Variants in ARID5B observed in about 807,000 individuals in gnomAD.
ARID5B encodes the protein AT-rich interaction domain 5B.
Under a neutral mutation model 97.2 loss-of-function variants are expected in ARID5B, and 13 were observed. The observed-to-expected ratio is 0.13, with a 90% confidence interval of 0.09 to 0.21. The LOEUF is 0.21. ARID5B is among the 10% of genes least tolerant of loss of function. The probability of loss-of-function intolerance (pLI) is 1.00; values close to 1 mark genes in which losing one functional copy is unlikely to be tolerated. For synonymous variants in ARID5B, 556 were observed against 570.3 expected (o/e 0.97, Z 0.36); for missense variants, 1,210 against 1,465.3 (o/e 0.83, Z 2.84).
At chr10:62,009,818 TAA>T (rs1481332123) in intron 4 of ARID5B, among the ~76,000 whole-genome samples, 1 of 152,106 alleles carries the variant, frequency 6.6e-6, no homozygotes, top group East Asian at 1.9e-4. Flanking sequence ...AAAAGATCCA[TAA>T]AAGAGAGCCC....
intron 2 of ARID5B, among the ~76,000 whole-genome samples, chr10:61,924,219 G>A (rs1383830586): frequency 2.6e-5 from 4 of 152,246 alleles, no homozygotes; most frequent in African/African-American, 9.6e-5. Context: ...GGAGGCAAAA[G>A]AGTTGGACTC....
intron 4 of ARID5B, among the ~76,000 whole-genome samples, chr10:62,018,599 A>C (rs1016461014): frequency 1.4e-5 from 2 of 147,766 alleles, no homozygotes; most frequent in East Asian, 2.0e-4. Flanking sequence ...TTTTTTTCAA[A>C]CCTGCCCCTC....
At chr10:61,934,175 A>G (rs1844259049) in intron 2 of ARID5B, among the ~76,000 whole-genome samples, 1 of 152,048 alleles carries the variant, frequency 6.6e-6, no homozygotes, top group South Asian at 2.1e-4. Flanking sequence ...CTTCCTCACC[A>G]CTTTTAGCTT....
At position 62,092,305 on chromosome 10, in the gene ARID5B, C is replaced by G; in HGVS notation, c.2842C>G (p.Arg948Gly). The change falls in exon 10 of 10, where the codon CGA (arginine) becomes GGA (glycine). Residue 948 changes from arginine to glycine, a missense_variant. This residue lies in a region of ARID5B where 800 missense variants were observed against 839.1 expected (regional missense o/e 0.95). Coordinates refer to ENST00000279873, the MANE Select transcript of ARID5B (RefSeq NM_032199.3). ...GTTCCAGGTCTTAGGCAGCCAGAGT[C>G]GAGACTGTCACCCCAAAGCCTGTCG... is the stretch of plus-strand genomic sequence containing the variant. ...SQFQVLGSQS[R>G]DCHPKACRVS... 1 of 1,609,292 alleles carries G rather than the reference C, an allele frequency of 6.2e-7. No homozygotes were observed.
chr10:61,948,902 AG>A (rs1219050438), intron 3 of ARID5B, among the ~76,000 whole-genome samples: 1 of 152,196 alleles, frequency 6.6e-6, no homozygotes, highest in African/African-American at 2.4e-5. Flanking sequence ...AAGAGCAAAA[AG>A]GGGGAAAATA....
chr10:62,061,223 G>A (rs1195238681), intron 7 of ARID5B, among the ~76,000 whole-genome samples: 2 of 152,180 alleles, frequency 1.3e-5, no homozygotes, highest in East Asian at 1.9e-4. Flanking sequence ...GCCCTACACA[G>A]GTAAAGTACT....
Position 62,096,766 on chromosome 10 carries a change from C to G in ARID5B, c.*3736C>G, listed in dbSNP as rs1840476692. On this transcript the variant is annotated 3_prime_UTR_variant, in exon 10 of 10. Coordinates refer to ENST00000279873, the MANE Select transcript of ARID5B (RefSeq NM_032199.3). Reference sequence around the variant, plus strand: ...AACCTTTGCATTAGTTTAAACACTACCAGAAGAATGCTGAGCCAACTATAA... The same window carrying G: ...AACCTTTGCATTAGTTTAAACACTAGCAGAAGAATGCTGAGCCAACTATAA... The G allele has an allele frequency of 8.6e-6, 2 of 233,520 alleles. No individual in the cohort carries two copies. The highest frequency in any genetic ancestry group is 1.2e-4 in the East Asian group (2 of 16,554). The allele number at this position is 233,520 out of a possible 1,614,324, so 14.5% of individuals were successfully genotyped here.
intron 3 of ARID5B, among the ~76,000 whole-genome samples, chr10:61,994,402 A>C (rs1838969256): frequency 6.6e-6 from 1 of 152,214 alleles, no homozygotes; most frequent in African/African-American, 2.4e-5. Flanking sequence ...GTAAGAGATA[A>C]AAGCAAATTT....
intron 2 of ARID5B, among the ~76,000 whole-genome samples, chr10:61,937,130 G>A (rs4948491): frequency 0.67 from 102,052 of 152,150 alleles, 34,349 homozygotes; most frequent in Non-Finnish European, 0.7. Context: ...TGGTGCCCAC[G>A]GGGGCCAGAT....
intron 4 of ARID5B, among the ~76,000 whole-genome samples, chr10:62,045,427 A>G (rs552123939): frequency 1.3e-5 from 2 of 149,554 alleles, no homozygotes; most frequent in Non-Finnish European, 3.0e-5. Context: ...GCAATGCTCC[A>G]TGCTGAAACT....
chr10:62,012,734 A>G (rs923066405), intron 4 of ARID5B, among the ~76,000 whole-genome samples: 3 of 152,190 alleles, frequency 2.0e-5, no homozygotes, highest in Non-Finnish European at 2.9e-5. Context: ...TTTACTTGAG[A>G]ACATTTTATT....
At chr10:62,056,335 C>CT (rs1839856382) in intron 5 of ARID5B, among the ~76,000 whole-genome samples, 2 of 152,134 alleles carry the variant, frequency 1.3e-5, no homozygotes, top group Non-Finnish European at 2.9e-5. Flanking sequence ...ACATCTTATT[C>CT]TTAGAGCTGA....
intron 5 of ARID5B, among the ~76,000 whole-genome samples, chr10:62,055,019 C>T (rs945351264): frequency 6.6e-6 from 1 of 152,164 alleles, no homozygotes; most frequent in African/African-American, 2.4e-5. Flanking sequence ...CAATTGAAAA[C>T]TGATTTCCTT....
intron 2 of ARID5B, among the ~76,000 whole-genome samples, chr10:61,927,738 T>G (rs1270497908): frequency 6.6e-6 from 1 of 152,210 alleles, no homozygotes; most frequent in South Asian, 2.1e-4. Flanking sequence ...TGAGATAGCT[T>G]TTTATTTTGC....
At chr10:61,953,450 CT>C (rs535536525) in intron 3 of ARID5B, among the ~76,000 whole-genome samples, 22 of 148,356 alleles carry the variant, frequency 1.5e-4, no homozygotes, top group Admixed American at 5.4e-4. Context: ...GGTTTCTTTT[CT>C]TTTTTTTTTA....
chr10:62,055,071 A>G (rs984037393), intron 5 of ARID5B, among the ~76,000 whole-genome samples: 1 of 152,224 alleles, frequency 6.6e-6, no homozygotes, highest in Admixed American at 6.5e-5. Context: ...GAGCTCCTTG[A>G]CACATTGGAA....
At chr10:62,019,157 A>G (rs1839321823) in intron 4 of ARID5B, among the ~76,000 whole-genome samples, 1 of 152,206 alleles carries the variant, frequency 6.6e-6, no homozygotes, top group African/African-American at 2.4e-5. Context: ...GAGTGCCAAC[A>G]TTCCAAGTGC....
At chr10:61,947,978 G>T (rs918769760) in intron 3 of ARID5B, among the ~76,000 whole-genome samples, 5 of 152,180 alleles carry the variant, frequency 3.3e-5, no homozygotes, top group African/African-American at 7.2e-5. Context: ...AGAATTCCAG[G>T]TTCATTTCTT....
chr10:62,034,827 G>A (rs542645460), intron 4 of ARID5B, among the ~76,000 whole-genome samples: 2 of 152,234 alleles, frequency 1.3e-5, no homozygotes, highest in South Asian at 2.1e-4. Context: ...GACTTTCATC[G>A]GTAGGCACAT....
Sources: gnomAD v4.1 joint callset for allele counts (sites outside exome capture counted in the v4.1 genomes callset) on GRCh38, gnomAD v4.1.1 for gene constraint, gnomAD v4.1.1 regional missense constraint, MANE v1.5 for transcripts, NCBI Gene and HGNC (gene_info 2026-07-23, HGNC 2026-07-21) for gene names.